TMEM94: variants seen among roughly 807,000 people sequenced by gnomAD.
The protein encoded by TMEM94 is ER Mg2+ ATPase.
A neutral mutation model predicts 158.6 loss-of-function variants in TMEM94; 81 were observed. The observed-to-expected ratio is 0.51, with a 90% CI of 0.43 to 0.61. TMEM94 has a LOEUF of 0.61. Among genes scored for constraint, TMEM94 ranks in the 20% least tolerant of loss-of-function variants. TMEM94 has a pLI of 0.00. For synonymous variants in TMEM94, 751 were observed against 730.7 expected (o/e 1.03, Z -0.45); for missense variants, 1,435 against 1,762.0 (o/e 0.81, Z 3.32).
intron 1 of TMEM94, among the ~76,000 whole-genome samples, chr17:75,463,555 A>T (rs568122104): frequency 2.1e-4 from 32 of 152,240 alleles, no homozygotes; most frequent in African/African-American, 7.2e-4. Flanking sequence ...GTTGTTAGGG[A>T]CACAGGTATC....
At position 75,491,849 on chromosome 17, in the gene TMEM94, C is replaced by T; in HGVS notation, c.1545C>T (p.Ser515=). 6.2e-7 allele frequency: 1 copy of T among 1,614,056 alleles called. No individual in the cohort carries two copies. The highest frequency in any genetic ancestry group is 8.5e-7 in the Non-Finnish European group (1 of 1,180,004). The change falls in exon 14 of 32, where the codon TCC becomes TCT. Residue 515 remains serine, a synonymous_variant. Coordinates refer to ENST00000314256, the MANE Select transcript of TMEM94 (RefSeq NM_014738.6). The surrounding 1 kb of genome is among the most constrained non-coding windows in gnomAD (Gnocchi z 5.1). ...GCCGCAGCAAACACCCATCTGGCTC[C>T]AACGTGAGCTTCAGCAGGGACACCG... ...AHGRSKHPSG[S]NVSFSRDTEG...
At chr17:75,493,188 G>A (rs2052373483) in intron 16 of TMEM94, 86 bp downstream of exon 16, 6 of 1,398,130 alleles carry the variant, frequency 4.3e-6, no homozygotes, top group Non-Finnish European at 4.9e-6. Flanking sequence ...CCATTGCTAG[G>A]GAGGCCTGGG....
intron 18 of TMEM94, 56 bp downstream of exon 18, chr17:75,493,972 A>G: frequency 6.5e-7 from 1 of 1,545,862 alleles, no homozygotes; most frequent in Non-Finnish European, 8.8e-7. Flanking sequence ...GGGCTGCCGA[A>G]GCCCAGGAGC....
At chr17:75,493,441 G>C (rs931690478) in intron 16 of TMEM94, 50 bp from the exon 17 acceptor site, 5 of 1,571,062 alleles carry the variant, frequency 3.2e-6, no homozygotes, top group Non-Finnish European at 4.4e-6. Flanking sequence ...TGTCAGGTCA[G>C]CGTGAGGGGG....
Position 75,499,468 on chromosome 17 carries a change from C to T in TMEM94, c.*134C>T, listed in dbSNP as rs1367439781. The T allele has an allele frequency of 3.8e-6, 3 of 791,456 alleles. No homozygotes were observed. The highest frequency in any genetic ancestry group is 3.4e-5 in the African/African-American group (2 of 58,132). 49.0% of individuals were successfully genotyped at this position (791,456 alleles called of 1,614,324 possible). ...CCGTGGCACTGGAAACCCAGCTCCC[C>T]GTGTCAGACCCCGCTGTCTTCCTGA... On this transcript the variant is annotated 3_prime_UTR_variant, in exon 32 of 32. Coordinates refer to ENST00000314256, the MANE Select transcript of TMEM94 (RefSeq NM_014738.6).
At position 75,466,038 on chromosome 17, in the gene TMEM94, C is replaced by T. The variant is rs574261644; in HGVS notation, c.-106-5762C>T. Among the ~76,000 whole-genome samples, 3 of 152,206 alleles carry T rather than the reference C, an allele frequency of 2.0e-5. No individual in the cohort carries two copies. In the East Asian group the frequency reaches 5.8e-4, roughly 29 times the overall value. ...GGCTCATGTGATTCCCCTACCTCAG[C>T]CTCACAAGTAGTTAGGACTACAGGC... On this transcript the variant is annotated intron_variant, in intron 1 of 31. Transcript: ENST00000314256.
At chr17:75,458,206 C>T (rs1237525776) in intron 1 of TMEM94, among the ~76,000 whole-genome samples, 1 of 151,928 alleles carries the variant, frequency 6.6e-6, no homozygotes. Context: ...AACAGGAACG[C>T]GTTGCATACA....
chr17:75,485,901 A>G lies in TMEM94; in HGVS notation c.175A>G (p.Ser59Gly). ...EVWRSSFLHH[S>G]NRCSCFHWPG... is the part of the protein sequence containing the mutation. ...GTGGAGAAGCAGCTTCCTCCACCAC[A>G]GTAACCGCTGCTCCTGCTTCCACTG... is the stretch of plus-strand genomic sequence containing the variant. The change falls in exon 4 of 32, where the codon AGT (serine) becomes GGT (glycine). Residue 59 changes from serine to glycine, a missense_variant. Physicochemically the swap from Ser to Gly is moderately conservative, Grantham distance 56 (BLOSUM62 0). Coordinates refer to ENST00000314256, the MANE Select transcript of TMEM94 (RefSeq NM_014738.6). This position sits in a 1 kb window ranked among gnomAD's most constrained non-coding sequence, Gnocchi z 5.5. 1.2e-6 allele frequency: 2 copies of G among 1,613,342 alleles called. No homozygotes were observed. Among genetic ancestry groups the G allele is most frequent in the Non-Finnish European group, 1.7e-6 (2 of 1,179,734 alleles).
At chr17:75,488,156 C>G (rs754085344) in intron 6 of TMEM94, 22 bp downstream of exon 6, 14 of 1,611,968 alleles carry the variant, frequency 8.7e-6, no homozygotes, top group Admixed American at 8.3e-5. Flanking sequence ...CTTTCCTTCT[C>G]CCTTGGAAAT....
chr17:75,472,198 T>C (rs1343592634), intron 2 of TMEM94, among the ~76,000 whole-genome samples: 1 of 152,222 alleles, frequency 6.6e-6, no homozygotes, highest in Non-Finnish European at 1.5e-5. Flanking sequence ...AAGCCAGTCT[T>C]CCACTTCTTG....
At position 75,494,649 on chromosome 17, in the gene TMEM94, G is replaced by A. The variant is rs1345739570; in HGVS notation, c.2430G>A (p.Glu810=). 2.5e-6 allele frequency: 4 copies of A among 1,613,698 alleles called. No individual in the cohort carries two copies. The highest frequency in any genetic ancestry group is 3.4e-6 in the Non-Finnish European group (4 of 1,180,024). The part of the protein sequence containing the change: ...SSDEGIGEVL[E]KEDCMQALSG... ...AAGAAGGGATCGGGGAGGTGCTGGA[G>A]AAGGAAGACTGCATGCAGGCCCTGA... Residue 810 remains glutamate, a synonymous_variant, in exon 19 of 32, where the codon GAG becomes GAA. Coordinates refer to ENST00000314256, the MANE Select transcript of TMEM94 (RefSeq NM_014738.6).
At position 75,463,170 on chromosome 17, in the gene TMEM94, GTGTGTGTGTATATA is replaced by G. The variant is rs771670712; in HGVS notation, c.-107+6421_-107+6434del. Among the ~76,000 whole-genome samples the G allele has an allele frequency of 6.4e-3, 31 of 4,840 alleles. 3 individuals carry two copies. Among genetic ancestry groups the G allele is most frequent in the South Asian group, 0.023 (2 of 86 alleles). 3.2% of individuals were successfully genotyped at this position (4,840 alleles called of 152,430 possible). A position where few individuals can be genotyped will look rare whatever the true frequency, so the allele number is the denominator to read the frequency against. On this transcript the variant is annotated intron_variant, in intron 1 of 31. Coordinates refer to ENST00000314256, the MANE Select transcript of TMEM94 (RefSeq NM_014738.6). ...TATACACGTATATATATGTGTGTGT[GTGTGTGTGTATATA>G]TATATATATATATACAGTTTAAATT...
In TMEM94 at chr17:75,491,420, G is replaced by A. The variant is rs759362866; in HGVS notation, c.1351G>A (p.Asp451Asn). The A allele has an allele frequency of 1.4e-5, 23 of 1,614,022 alleles. No individual in the cohort carries two copies. The highest frequency in any genetic ancestry group is 1.0e-4 in the Admixed American group (6 of 60,012). ...TCACAGCAGCCATGAGGACCTCACCGATGGCCTATCCACCCGCTCCTTCTG... is the reference window on the plus strand; with the variant it reads ...TCACAGCAGCCATGAGGACCTCACCAATGGCCTATCCACCCGCTCCTTCTG... ...PPHSSHEDLTDGLSTRSFCHP... is the reference protein window; with the variant it reads ...PPHSSHEDLTNGLSTRSFCHP... Residue 451 changes from aspartate to asparagine, a missense_variant, in exon 13 of 32, where the codon GAT becomes AAT. By Grantham distance (23) the Asp-to-Asn change is conservative. Transcript: ENST00000314256. This position sits in a 1 kb window ranked among gnomAD's most constrained non-coding sequence, Gnocchi z 5.1.
intron 2 of TMEM94, among the ~76,000 whole-genome samples, chr17:75,475,931 T>G (rs912135972): frequency 6.6e-6 from 1 of 152,230 alleles, no homozygotes; most frequent in Non-Finnish European, 1.5e-5. Context: ...CCTTGGGCTT[T>G]GCCTTCCTAG....
intron 2 of TMEM94, among the ~76,000 whole-genome samples, chr17:75,482,613 G>T (rs778090527): frequency 6.1e-4 from 93 of 152,208 alleles, no homozygotes; most frequent in Middle Eastern, 6.8e-3. Flanking sequence ...TGGTTCAGTA[G>T]GTCCGGAGTG....
chr17:75,471,039 C>T lies in TMEM94; in HGVS notation c.-106-761C>T, dbSNP rs909785202. Among the ~76,000 whole-genome samples the T allele has an allele frequency of 4.6e-5, 7 of 151,766 alleles. 1 individual carries two copies. Among genetic ancestry groups the T allele is most frequent in the African/African-American group, 1.7e-4 (7 of 41,394 alleles). On this transcript the variant is annotated intron_variant, in intron 1 of 31. Transcript: ENST00000314256. ...GGATCACAAGGTCAGGAGTTCAAGACCAGCCTGGCCAATATGGTGAAACCC... is the reference window on the plus strand; with the variant it reads ...GGATCACAAGGTCAGGAGTTCAAGATCAGCCTGGCCAATATGGTGAAACCC...
Position 75,492,779 on chromosome 17 carries a change from C to T in TMEM94, c.1902C>T (p.Ala634=). The T allele has an allele frequency of 2.5e-6, 4 of 1,605,596 alleles. No homozygotes were observed. Among genetic ancestry groups the T allele is most frequent in the East Asian group, 4.5e-5 (2 of 44,858 alleles). ...TGCCCTGGGGCCTCTGCGAGCTTGC[C>T]CGCCTCATTGGTACAGGTCCCCATG... is the stretch of plus-strand genomic sequence containing the variant. ...VHVPWGLCEL[A]RLIGFTPGAK... is the part of the protein sequence containing the mutation. Residue 634 remains alanine (A), a synonymous_variant, in exon 15 of 32, where the codon GCC becomes GCT. Transcript: ENST00000314256. This position sits in a 1 kb window ranked among gnomAD's most constrained non-coding sequence, Gnocchi z 4.4.
chr17:75,486,462 T>C, intron 5 of TMEM94, 36 bp downstream of exon 5: 1 of 1,613,756 alleles, frequency 6.2e-7, no homozygotes. Context: ...TGGGAAAAGA[T>C]GACCGGACAT....
At position 75,486,362 on chromosome 17, in the gene TMEM94, G is replaced by A. The variant is rs1217392000; in HGVS notation, c.345G>A (p.Arg115=). 1 of 1,614,222 alleles carries A rather than the reference G, an allele frequency of 6.2e-7. No individual in the cohort carries two copies. The change falls in exon 5 of 32, where the codon CGG becomes CGA. Residue 115 remains arginine, a synonymous_variant. Coordinates refer to ENST00000314256, the MANE Select transcript of TMEM94 (RefSeq NM_014738.6). ...TTCTCAACCTTGTGCTCATCGGGCG[G>A]CAAGACCGGCTGAAGCGTCGGGAGG... is the stretch of plus-strand genomic sequence containing the variant. ...LLLLNLVLIG[R]QDRLKRREVE... is the part of the protein sequence containing the mutation.
Sources: gnomAD v4.1 joint callset for allele counts (sites outside exome capture counted in the v4.1 genomes callset) on GRCh38, gnomAD v4.1.1 for gene constraint, Gnocchi (gnomAD v3.1) non-coding constraint, MANE v1.5 for transcripts, NCBI Gene and HGNC (gene_info 2026-07-23, HGNC 2026-07-21) for gene names.